SAMD12: variants seen among roughly 807,000 people sequenced by gnomAD.
SAMD12 encodes sterile alpha motif domain-containing protein 12.
Under a neutral mutation model 15.0 loss-of-function variants are expected in SAMD12, and 9 were observed. The ratio of observed to expected loss-of-function variants is 0.60; its 90% CI spans 0.36 to 1.05. The LOEUF (loss-of-function observed/expected upper bound fraction) is 1.05. SAMD12 is among the 50% of genes least tolerant of loss of function. The pLI is 0.01. For missense variants in SAMD12, 230 were observed against 234.2 expected (o/e 0.98, Z 0.12); for synonymous variants, 86 against 90.1 (o/e 0.96, Z 0.25).
intron 4 of SAMD12, among the ~76,000 whole-genome samples, chr8:118,304,164 C>G (rs60224208): frequency 5.3e-5 from 8 of 152,102 alleles, no homozygotes; most frequent in African/African-American, 1.9e-4. Context: ...AGAGGACACT[C>G]GATTCTTCCT....
chr8:118,213,026 G>A (rs577577368), intron 4 of SAMD12, among the ~76,000 whole-genome samples: 4 of 152,274 alleles, frequency 2.6e-5, no homozygotes, highest in African/African-American at 9.6e-5. Context: ...AAGCATAAAA[G>A]GGTGGAGGGA....
intron 1 of SAMD12, among the ~76,000 whole-genome samples, chr8:118,614,552 C>T (rs532105289): frequency 1.4e-4 from 22 of 152,308 alleles, no homozygotes; most frequent in African/African-American, 5.3e-4. Flanking sequence ...TCAAGGGCAG[C>T]TGTAGCTCTG....
At chr8:118,334,406 C>T (rs1047833521) in intron 4 of SAMD12, among the ~76,000 whole-genome samples, 1 of 152,116 alleles carries the variant, frequency 6.6e-6, no homozygotes, top group Non-Finnish European at 1.5e-5. Context: ...TGAAGAGATG[C>T]CTGCCTTTGT....
chr8:118,618,284 T>G (rs529580377), intron 1 of SAMD12, among the ~76,000 whole-genome samples: 14 of 152,226 alleles, frequency 9.2e-5, no homozygotes, highest in African/African-American at 3.4e-4. Context: ...CGGCTGCAGG[T>G]TCAGCAAAGT....
intron 1 of SAMD12, among the ~76,000 whole-genome samples, chr8:118,590,648 C>A (rs1407021192): frequency 1.3e-5 from 2 of 152,230 alleles, no homozygotes; most frequent in African/African-American, 4.8e-5. Context: ...CCTGGCCAGA[C>A]TGGCATTTTA....
chr8:118,610,340 A>G (rs777570188), intron 1 of SAMD12, among the ~76,000 whole-genome samples: 3 of 152,214 alleles, frequency 2.0e-5, no homozygotes, highest in Non-Finnish European at 4.4e-5. Context: ...AAGGTTTCCA[A>G]AAGACAACTA....
intron 4 of SAMD12, among the ~76,000 whole-genome samples, chr8:118,202,929 C>T (rs989934508): frequency 6.6e-6 from 1 of 152,142 alleles, no homozygotes; most frequent in Non-Finnish European, 1.5e-5. Flanking sequence ...AATATGCCTA[C>T]AAAGGTTTTA....
At chr8:118,465,578 C>T (rs1823570329) in intron 2 of SAMD12, among the ~76,000 whole-genome samples, 1 of 152,136 alleles carries the variant, frequency 6.6e-6, no homozygotes, top group Non-Finnish European at 1.5e-5. Context: ...AAGGGTAAGA[C>T]ATAGATTTCT....
chr8:118,153,714 C>A, the SAMD12 span, among the ~76,000 whole-genome samples: 2 of 152,128 alleles, frequency 1.3e-5, no homozygotes, highest in Non-Finnish European at 2.9e-5. Context: ...GAGGCTACAC[C>A]ATGGGTTGAG....
At chr8:118,469,184 A>G (rs2514995) in intron 2 of SAMD12, among the ~76,000 whole-genome samples, 123,629 of 151,638 alleles carry the variant, frequency 0.82, 50,802 homozygotes, top group African/African-American at 0.92. Flanking sequence ...AGCCTTTACT[A>G]CCTTGTTGTG....
chr8:118,339,868 G>A (rs1183287982), intron 4 of SAMD12, among the ~76,000 whole-genome samples: 2 of 152,218 alleles, frequency 1.3e-5, no homozygotes, highest in African/African-American at 2.4e-5. Flanking sequence ...GGGTATGGGT[G>A]TGAACAGAGG....
At chr8:118,410,157 T>A (rs867993070) in intron 3 of SAMD12, among the ~76,000 whole-genome samples, 1 of 152,326 alleles carries the variant, frequency 6.6e-6, no homozygotes, top group Middle Eastern at 3.4e-3. Context: ...TATCTAAGGC[T>A]ATTTACACAT....
intron 2 of SAMD12, among the ~76,000 whole-genome samples, chr8:118,488,681 T>C (rs1586757851): frequency 6.6e-6 from 1 of 152,362 alleles, no homozygotes; most frequent in Non-Finnish European, 1.5e-5. Context: ...TCCATATTGT[T>C]ACACGCACGA....
At chr8:118,330,204 A>T (rs559883342) in intron 4 of SAMD12, among the ~76,000 whole-genome samples, 12 of 152,192 alleles carry the variant, frequency 7.9e-5, no homozygotes, top group Non-Finnish European at 1.6e-4. Flanking sequence ...AAGACACAAG[A>T]TGTAGCTACG....
At chr8:118,180,976 A>G in the SAMD12 span, among the ~76,000 whole-genome samples, 2 of 152,316 alleles carry the variant, frequency 1.3e-5, no homozygotes, top group Non-Finnish European at 2.9e-5. Context: ...ACCTTACCTG[A>G]GTCAGGCATG....
downstream of SAMD12, among the ~76,000 whole-genome samples, chr8:118,376,238 TTAGTAAATATTTGTTAAA>T (rs1297756460): frequency 1.3e-5 from 2 of 152,204 alleles, no homozygotes; most frequent in African/African-American, 4.8e-5. Flanking sequence ...AATGCGTTGG[TTAGTAAATATTTGTTAAA>T]TATTAATGCA....
intron 1 of SAMD12, among the ~76,000 whole-genome samples, chr8:118,601,973 T>C (rs1023371643): frequency 1.3e-5 from 2 of 152,162 alleles, no homozygotes; most frequent in Non-Finnish European, 2.9e-5. Context: ...CAGCAGACTG[T>C]ATGCTTAAAT....
At chr8:118,213,465 C>T (rs1811886655) in intron 4 of SAMD12, among the ~76,000 whole-genome samples, 1 of 152,240 alleles carries the variant, frequency 6.6e-6, no homozygotes, top group African/African-American at 2.4e-5. Context: ...AAGCAGCCAA[C>T]TGCCTGTGCT....
rs1586817724 is a variant in SAMD12 at position 118,557,464 on chromosome 8, T to C, written c.192+23251A>G. Among the ~76,000 whole-genome samples, 2 of 152,086 alleles carry C rather than the reference T, an allele frequency of 1.3e-5. 1 individual carries two copies. Among genetic ancestry groups the C allele is most frequent in the Non-Finnish European group, 2.9e-5 (2 of 68,012 alleles). ...TTAGGAAGGTTCATTTTGATTGGGG[T>C]TGGAGTAGATCTGAGAAGCTTTTAT... On this transcript the variant is annotated intron_variant, in intron 2 of 3. Coordinates refer to ENST00000314727, the MANE Select transcript of SAMD12 (RefSeq NM_207506.3).
Sources: allele counts gnomAD v4.1 joint callset (sites outside exome capture counted in the v4.1 genomes callset), GRCh38; gene constraint gnomAD v4.1.1; transcripts MANE v1.5; gene names NCBI Gene and HGNC (gene_info 2026-07-23, HGNC 2026-07-21).